The following MARCHF3 variants were observed in gnomAD, a reference collection of about 807,000 sequenced individuals.
MARCHF3 encodes the protein membrane associated ring-CH-type finger 3, also known as E3 ubiquitin-protein ligase MARCHF3.
In MARCHF3, 13 loss-of-function variants were observed where a neutral mutation model predicts 24.2. The ratio of observed to expected loss-of-function variants is 0.54; its 90% CI spans 0.35 to 0.85. The LOEUF (loss-of-function observed/expected upper bound fraction) is 0.85, where lower values mean the gene tolerates loss of function less well. MARCHF3 is among the 40% of genes least tolerant of loss of function. The pLI is 0.01. For synonymous variants in MARCHF3, 144 were observed against 137.3 expected, an observed-to-expected ratio of 1.05 and a Z score of -0.34; for missense variants, 276 against 325.0, an observed-to-expected ratio of 0.85 and a Z score of 1.16.
intron 1 of MARCHF3, among the ~76,000 whole-genome samples, chr5:126,920,458 A>C (rs1561428028): frequency 6.6e-6 from 1 of 152,266 alleles, no homozygotes; most frequent in South Asian, 2.1e-4. Context: ...ATAGATTAAG[A>C]GCCAGGGGTG....
intron 3 of MARCHF3, among the ~76,000 whole-genome samples, chr5:126,897,976 G>T (rs1446943689): frequency 1.3e-5 from 2 of 152,000 alleles, no homozygotes; most frequent in African/African-American, 4.8e-5. Flanking sequence ...CCATTCATAG[G>T]AAATGTCCAG....
chr5:126,914,737 G>T, intron 3 of MARCHF3, 193 bp downstream of exon 3: 1 of 604,464 alleles, frequency 1.7e-6, no homozygotes, highest in Non-Finnish European at 2.9e-6. Flanking sequence ...TCCCTTCTCT[G>T]TGTCTGTCTG....
chr5:126,963,879 T>C (rs1464914875), intron 1 of MARCHF3, among the ~76,000 whole-genome samples: 1 of 152,176 alleles, frequency 6.6e-6, no homozygotes, highest in East Asian at 1.9e-4. Flanking sequence ...TTAGTCTCCA[T>C]GTAACAGAGA....
intron 1 of MARCHF3, among the ~76,000 whole-genome samples, chr5:126,974,053 G>A (rs1304464613): frequency 6.6e-5 from 10 of 151,304 alleles, no homozygotes; most frequent in East Asian, 3.9e-4. Flanking sequence ...GCCCGCCACC[G>A]CGCCCGGCTA....
intron 3 of MARCHF3, among the ~76,000 whole-genome samples, chr5:126,896,235 G>C (rs560621165): frequency 6.6e-6 from 1 of 152,108 alleles, no homozygotes; most frequent in Admixed American, 6.6e-5. Flanking sequence ...GATGAACCCG[G>C]TACCTCAGAT....
chr5:127,004,760 A>T (rs1477281552), intron 1 of MARCHF3, among the ~76,000 whole-genome samples: 1 of 152,156 alleles, frequency 6.6e-6, no homozygotes, highest in African/African-American at 2.4e-5. Context: ...TACATGAAGG[A>T]AACAGAGCTG....
At chr5:126,909,903 T>C (rs1302482828) in intron 3 of MARCHF3, among the ~76,000 whole-genome samples, 1 of 152,196 alleles carries the variant, frequency 6.6e-6, no homozygotes, top group Non-Finnish European at 1.5e-5. Flanking sequence ...AAATCCTTAA[T>C]CCTCATCTCC....
chr5:126,898,207 A>G (rs570328282), intron 3 of MARCHF3, among the ~76,000 whole-genome samples: 16 of 152,242 alleles, frequency 1.1e-4, no homozygotes, highest in African/African-American at 3.6e-4. Context: ...ATGGTATGGT[A>G]TGTGAATTTT....
At chr5:127,028,559 T>C (rs939667183) in intron 1 of MARCHF3, among the ~76,000 whole-genome samples, 3 of 149,338 alleles carry the variant, frequency 2.0e-5, no homozygotes, top group Non-Finnish European at 4.4e-5. Context: ...TCTATTAAGG[T>C]AGGTTTTTTT....
chr5:126,908,286 A>T (rs1466036228), intron 3 of MARCHF3, among the ~76,000 whole-genome samples: 1 of 151,988 alleles, frequency 6.6e-6, no homozygotes, highest in Non-Finnish European at 1.5e-5. Flanking sequence ...GGTGAATCTG[A>T]CAATTATGTG....
At chr5:126,888,776 T>G (rs1753579132) in intron 3 of MARCHF3, among the ~76,000 whole-genome samples, 1 of 152,200 alleles carries the variant, frequency 6.6e-6, no homozygotes, top group Non-Finnish European at 1.5e-5. Context: ...GTGGTTTTTC[T>G]TTTTTTGAGA....
At chr5:126,913,903 T>A (rs1268909021) in intron 3 of MARCHF3, among the ~76,000 whole-genome samples, 2 of 151,810 alleles carry the variant, frequency 1.3e-5, no homozygotes, top group East Asian at 3.9e-4. Context: ...GAATCATAGA[T>A]ACAATGTTTT....
chr5:126,988,947 T>A (rs187112928), intron 1 of MARCHF3, among the ~76,000 whole-genome samples: 18 of 152,316 alleles, frequency 1.2e-4, no homozygotes, highest in African/African-American at 4.3e-4. Context: ...AAAAATATCC[T>A]CTCATGGATG....
intron 1 of MARCHF3, among the ~76,000 whole-genome samples, chr5:126,941,772 C>T (rs980677108): frequency 2.0e-5 from 3 of 152,248 alleles, no homozygotes; most frequent in Non-Finnish European, 4.4e-5. Context: ...ACCCTGACCC[C>T]ATTGCCACTG....
chr5:126,903,146 G>C (rs997952134), intron 3 of MARCHF3, among the ~76,000 whole-genome samples: 4 of 151,964 alleles, frequency 2.6e-5, no homozygotes, highest in African/African-American at 9.7e-5. Context: ...ATGAGGTGTT[G>C]GTAGAAAGAA....
chr5:126,963,161 T>TA (rs1278584726), intron 1 of MARCHF3, among the ~76,000 whole-genome samples: 2 of 152,188 alleles, frequency 1.3e-5, no homozygotes, highest in African/African-American at 4.8e-5. Context: ...TATTATTTTC[T>TA]AACCCTCTTT....
intron 4 of MARCHF3, among the ~76,000 whole-genome samples, chr5:126,877,736 G>C (rs149574414): frequency 6.6e-6 from 1 of 152,186 alleles, no homozygotes; most frequent in African/African-American, 2.4e-5. Flanking sequence ...GTGTCAGGAC[G>C]TAAGAAGGAA....
chr5:126,920,506 G>A (rs1046101684), intron 1 of MARCHF3, among the ~76,000 whole-genome samples: 5 of 152,136 alleles, frequency 3.3e-5, no homozygotes, highest in African/African-American at 4.8e-5. Context: ...CCTTCTTGCC[G>A]CATGGAATCA....
At chr5:126,998,453 A>T (rs1270789370) in intron 1 of MARCHF3, among the ~76,000 whole-genome samples, 1 of 152,234 alleles carries the variant, frequency 6.6e-6, no homozygotes, top group Non-Finnish European at 1.5e-5. Flanking sequence ...CAAGATGGGC[A>T]TTTGGCCTTT....
Sources: gnomAD v4.1 joint callset for allele counts (sites outside exome capture counted in the v4.1 genomes callset) on GRCh38, gnomAD v4.1.1 for gene constraint, MANE v1.5 for transcripts, NCBI Gene and HGNC (gene_info 2026-07-23, HGNC 2026-07-21) for gene names.